The following TLK2 variants were observed in gnomAD, a reference collection of about 807,000 sequenced individuals.
TLK2 encodes the protein tousled like kinase 2, also known as serine/threonine-protein kinase tousled-like 2.
In TLK2, 6 loss-of-function variants were observed where a neutral mutation model predicts 117.3. The ratio of observed to expected loss-of-function variants is 0.05; its 90% CI spans 0.03 to 0.10. The LOEUF (loss-of-function observed/expected upper bound fraction) is 0.10. Among genes scored for constraint, TLK2 ranks in the 10% least tolerant of loss-of-function variants. The pLI is 1.00. For synonymous variants in TLK2, 257 were observed against 316.7 expected (o/e 0.81, Z 2.00); for missense variants, 299 against 901.2 (o/e 0.33, Z 8.56).
intron 16 of TLK2, among the ~76,000 whole-genome samples, chr17:62,591,942 C>G (rs970870021): frequency 6.6e-6 from 1 of 151,708 alleles, no homozygotes; most frequent in Non-Finnish European, 1.5e-5. Flanking sequence ...TAAATAAGAA[C>G]TACATTCTTT....
chr17:62,519,814 G>A (rs2075904126), intron 2 of TLK2, among the ~76,000 whole-genome samples: 3 of 152,010 alleles, frequency 2.0e-5, no homozygotes, highest in African/African-American at 4.8e-5. Context: ...GTTATAAAAC[G>A]AAGGCTCCTT....
At chr17:62,539,098 GTC>G (rs1055831456) in intron 7 of TLK2, among the ~76,000 whole-genome samples, 3 of 152,148 alleles carry the variant, frequency 2.0e-5, no homozygotes, top group African/African-American at 7.2e-5. Context: ...GTTTTATTCT[GTC>G]TATAAATTGT....
At chr17:62,612,121 T>G in intron 21 of TLK2, 1 of 306,230 alleles carries the variant, frequency 3.3e-6, no homozygotes, top group Middle Eastern at 9.1e-4. Flanking sequence ...CAGGAGTATT[T>G]AGAGGTCATG....
At position 62,573,438 on chromosome 17, in the gene TLK2, G is replaced by T. The variant is rs140285057; in HGVS notation, c.1121+71G>T. The T allele has an allele frequency of 2.1e-4, 329 of 1,565,126 alleles. 1 individual carries two copies. In the African/African-American group the frequency reaches 4.1e-3, roughly 19 times the overall value. On this transcript the variant is annotated intron_variant, in intron 12 of 21. Transcript: ENST00000346027. ...CCAAATACAAATGTTGATTGTCACC[G>T]GCAATAGTTTTAAATTCTTGAGGTC...
chr17:62,520,416 A>G (rs1410206164), intron 2 of TLK2, among the ~76,000 whole-genome samples: 2 of 151,980 alleles, frequency 1.3e-5, no homozygotes, highest in African/African-American at 2.4e-5. Context: ...GTGGCTCACA[A>G]CTGTAATCCC....
chr17:62,599,682 A>G (rs552205124), intron 17 of TLK2, among the ~76,000 whole-genome samples: 1 of 152,128 alleles, frequency 6.6e-6, no homozygotes, highest in South Asian at 2.1e-4. Context: ...CTCACTGACC[A>G]GTTTGTCTTC....
At chr17:62,505,339 A>G (rs2074580005) in intron 2 of TLK2, among the ~76,000 whole-genome samples, 2 of 149,188 alleles carry the variant, frequency 1.3e-5, no homozygotes, top group African/African-American at 2.5e-5. Flanking sequence ...AAACTCCTGG[A>G]CTTAAGTGAT....
chr17:62,516,522 G>T, intron 2 of TLK2: 2 of 1,608,606 alleles, frequency 1.2e-6, no homozygotes, highest in Non-Finnish European at 1.7e-6. Flanking sequence ...GCAGATGAAG[G>T]TAATCACGGA....
At chr17:62,600,854 G>T in intron 18 of TLK2, 34 bp downstream of exon 18, 1 of 1,537,862 alleles carries the variant, frequency 6.5e-7, no homozygotes, top group Non-Finnish European at 8.7e-7. Flanking sequence ...GTATTAGTGG[G>T]TTTTCTTTGG....
intron 2 of TLK2, among the ~76,000 whole-genome samples, chr17:62,503,411 A>G (rs1460833419): frequency 1.7e-5 from 2 of 118,988 alleles, no homozygotes; most frequent in Non-Finnish European, 3.3e-5. Flanking sequence ...CTTTTTAGTT[A>G]TAACTTTTTT....
chr17:62,479,897 C>T (rs2071418738), intron 1 of TLK2, among the ~76,000 whole-genome samples: 1 of 152,214 alleles, frequency 6.6e-6, no homozygotes. Context: ...TCGATTAGGG[C>T]AGGGCAAGAC....
intron 8 of TLK2, 97 bp from the exon 9 acceptor site, chr17:62,553,566 C>A: frequency 1.2e-6 from 1 of 833,912 alleles, no homozygotes; most frequent in Non-Finnish European, 2.0e-6. Context: ...TGAGCAAGTG[C>A]TTTTTCCCAC....
rs866672023 is a variant in TLK2 at position 62,494,228 on chromosome 17, G to A, written c.81+13022G>A. Among the ~76,000 whole-genome samples the A allele has an allele frequency of 7.2e-5, 11 of 152,206 alleles. No homozygotes were observed. The East Asian group carries it at 1.5e-3, about 21-fold the overall frequency. ...CTCTCAAGTAGCTGGGACTACAGGC[G>A]TGTGCCGTCACGCCTGGCTAATTTT... is the stretch of plus-strand genomic sequence containing the variant. On this transcript the variant is annotated intron_variant, in intron 2 of 21. Transcript: ENST00000346027.
chr17:62,596,440 A>G (rs1409430043), intron 16 of TLK2, 145 bp from the exon 17 acceptor site: 2 of 608,488 alleles, frequency 3.3e-6, no homozygotes, highest in Non-Finnish European at 5.8e-6. Flanking sequence ...AGCAAAGAGA[A>G]AAGTCAGATG....
Position 62,492,150 on chromosome 17 carries a change from G to GT in TLK2, c.81+10945dup, listed in dbSNP as rs1467522521. On this transcript the variant is annotated intron_variant, in intron 2 of 21. Transcript: ENST00000346027. ...AAGTATTAATAGTGTGAAAGAATGA[G>GT]TGGTGGTATTAAAATATAAACCTTC... 3.9e-5 allele frequency among the ~76,000 whole-genome samples: 6 copies of GT among 152,282 alleles called. No individual in the cohort carries two copies. The South Asian group carries it at 8.3e-4, about 21-fold the overall frequency.
chr17:62,482,452 TG>T (rs1197045634), intron 2 of TLK2, among the ~76,000 whole-genome samples: 1 of 130,178 alleles, frequency 7.7e-6, no homozygotes, highest in Non-Finnish European at 1.7e-5. Context: ...GATAGGGTTT[TG>T]TTTTTTTTTT....
chr17:62,566,460 T>C (rs1016186886), intron 11 of TLK2, among the ~76,000 whole-genome samples: 1 of 152,198 alleles, frequency 6.6e-6, no homozygotes, highest in South Asian at 2.1e-4. Context: ...ATTAAGCGTG[T>C]TTTTGCTTCA....
intron 20 of TLK2, among the ~76,000 whole-genome samples, chr17:62,607,446 A>G (rs1350075965): frequency 6.6e-6 from 1 of 151,532 alleles, no homozygotes; most frequent in Admixed American, 6.6e-5. Flanking sequence ...GGAGAATGGC[A>G]TGAACCCGGG....
At chr17:62,471,200 T>G (rs1245181713) in intron 1 of TLK2, 2 of 152,256 alleles carry the variant, frequency 1.3e-5, no homozygotes, top group Non-Finnish European at 2.9e-5. Flanking sequence ...TGCTCTTGAC[T>G]GCCTGGCTGT....
Sources: gnomAD v4.1 joint callset for allele counts (sites outside exome capture counted in the v4.1 genomes callset) on GRCh38, gnomAD v4.1.1 for gene constraint, MANE v1.5 for transcripts, NCBI Gene and HGNC (gene_info 2026-07-23, HGNC 2026-07-21) for gene names.